Variants in ARSG observed in about 807,000 individuals in gnomAD.
ARSG encodes the protein ASG.
ARSG carries 37 observed loss-of-function variants against 50.5 expected under a neutral mutation model. The ratio of observed to expected loss-of-function variants is 0.73; its 90% CI spans 0.56 to 0.96. The LOEUF (loss-of-function observed/expected upper bound fraction) is 0.96, where lower values mean the gene tolerates loss of function less well. ARSG is among the 50% of genes least tolerant of loss of function. ARSG has a pLI of 0.00. For synonymous variants in ARSG, 225 were observed against 254.6 expected, an observed-to-expected ratio of 0.88 and a Z score of 1.11; for missense variants, 629 against 675.3, an observed-to-expected ratio of 0.93 and a Z score of 0.76.
chr17:68,377,368 C>T (rs2080202501), intron 8 of ARSG, among the ~76,000 whole-genome samples: 1 of 152,246 alleles, frequency 6.6e-6, no homozygotes, highest in African/African-American at 2.4e-5. Context: ...TCCTATCTTG[C>T]TCTTTGAACC....
chr17:68,306,392 CA>C (rs375666130), intron 1 of ARSG, among the ~76,000 whole-genome samples: 6 of 144,382 alleles, frequency 4.2e-5, no homozygotes, highest in South Asian at 2.2e-4. Context: ...GACTCAGTCT[CA>C]AAAAAAAAAG....
intron 8 of ARSG, among the ~76,000 whole-genome samples, chr17:68,377,628 A>G (rs1395361221): frequency 6.6e-6 from 1 of 152,090 alleles, no homozygotes; most frequent in Non-Finnish European, 1.5e-5. Flanking sequence ...CATTAGACTA[A>G]ATTTCTTCAT....
intron 4 of ARSG, among the ~76,000 whole-genome samples, chr17:68,347,903 C>T (rs184290710): frequency 2.6e-4 from 39 of 152,330 alleles, no homozygotes; most frequent in African/African-American, 7.2e-4. Context: ...GACTTCTCCC[C>T]TCCCCTGCCC....
Position 68,383,176 on chromosome 17 carries a change from T to C in ARSG, c.983-1888T>C, listed in dbSNP as rs1599996088. Among the ~76,000 whole-genome samples the C allele has an allele frequency of 2.0e-5, 3 of 152,120 alleles. No individual in the cohort carries two copies. The South Asian group carries it at 6.2e-4, about 32-fold the overall frequency. On this transcript the variant is annotated intron_variant, in intron 8 of 11. Transcript: ENST00000621439. ...ACCTACAAGAGAGCAACACAAAAGG[T>C]TGTGGCAAACGAGAAGAATCCCTAA... is the stretch of plus-strand genomic sequence containing the variant.
At chr17:68,294,374 C>T (rs1311428294) in intron 1 of ARSG, among the ~76,000 whole-genome samples, 4 of 152,202 alleles carry the variant, frequency 2.6e-5, no homozygotes, top group Admixed American at 6.5e-5. Context: ...CGTTTATAGT[C>T]CTTCAAGTCT....
At chr17:68,387,855 A>C (rs2080801326) in intron 9 of ARSG, among the ~76,000 whole-genome samples, 2 of 152,182 alleles carry the variant, frequency 1.3e-5, no homozygotes, top group Non-Finnish European at 2.9e-5. Context: ...GGTCAAGTTG[A>C]TATAAATATG....
At chr17:68,356,475 T>G (rs539399158) in intron 5 of ARSG, among the ~76,000 whole-genome samples, 192 bp from the exon 6 acceptor site, 1 of 152,332 alleles carries the variant, frequency 6.6e-6, no homozygotes, top group South Asian at 2.1e-4. Context: ...GGAACATAAA[T>G]ATCTATTCAA....
In ARSG at chr17:68,391,845, A is replaced by G. The variant is rs186535683; in HGVS notation, c.1092-3228A>G. On this transcript the variant is annotated intron_variant, in intron 9 of 11. Transcript: ENST00000621439. The stretch of plus-strand genomic sequence containing the variant: ...GGTCCTGGAGCTTGTTTCTTAAGAG[A>G]TAAGCCACCAGCTCCATGGACTGTG... Among the ~76,000 whole-genome samples the G allele has an allele frequency of 3.5e-3, 527 of 152,282 alleles. 5 individuals are homozygous for G. The highest frequency in any genetic ancestry group is 6.2e-3 in the Non-Finnish European group (422 of 68,022).
At position 68,412,222 on chromosome 17, in the gene ARSG, C is replaced by T. The variant is rs1325244838; in HGVS notation, c.1304-7967C>T. Among the ~76,000 whole-genome samples the T allele has an allele frequency of 3.0e-3, 458 of 152,010 alleles. 2 individuals are homozygous for T. Among genetic ancestry groups the T allele is most frequent in the African/African-American group, 0.011 (437 of 41,386 alleles). On this transcript the variant is annotated intron_variant, in intron 11 of 11. Transcript: ENST00000621439. ...TGCAGTTTCTTCCTAGTCTCGATGG[C>T]CTTTACATTTTGGCATGATTTTGCA... is the stretch of plus-strand genomic sequence containing the variant.
intron 6 of ARSG, among the ~76,000 whole-genome samples, chr17:68,357,264 C>G (rs2079074347): frequency 6.6e-6 from 1 of 152,174 alleles, no homozygotes; most frequent in Non-Finnish European, 1.5e-5. Flanking sequence ...ATCTGGAGGC[C>G]AGATGTCTGA....
chr17:68,320,878 C>T lies in ARSG; in HGVS notation c.218+13167C>T, dbSNP rs148663540. ...GGCTTATAGATGCCTATGTGTATGT[C>T]GCATTGTCGTATACCTTGTGTGTGT... On this transcript the variant is annotated intron_variant, in intron 2 of 11. Coordinates refer to ENST00000621439, the MANE Select transcript of ARSG (RefSeq NM_001267727.2). Among the ~76,000 whole-genome samples the T allele has an allele frequency of 5.0e-3, 766 of 152,134 alleles. 9 individuals carry two copies. Among genetic ancestry groups the T allele is most frequent in the African/African-American group, 0.016 (669 of 41,476 alleles).
At chr17:68,437,596 C>G in the ARSG span, among the ~76,000 whole-genome samples, 1 of 151,518 alleles carries the variant, frequency 6.6e-6, no homozygotes, top group East Asian at 1.9e-4. Flanking sequence ...AGCCAAATGC[C>G]CTGCCTTGAT....
intron 1 of ARSG, among the ~76,000 whole-genome samples, chr17:68,292,837 A>C (rs2076064626): frequency 6.6e-6 from 1 of 152,168 alleles, no homozygotes; most frequent in African/African-American, 2.4e-5. Flanking sequence ...CCAGTAGTGT[A>C]CAGCCAAGGG....
At chr17:68,303,670 G>C (rs1160007301) in intron 1 of ARSG, among the ~76,000 whole-genome samples, 1 of 151,874 alleles carries the variant, frequency 6.6e-6, no homozygotes, top group African/African-American at 2.4e-5. Flanking sequence ...GGCTGGTCTT[G>C]AACTCCTGAC....
chr17:68,426,242 T>TGGC (rs1555798451), downstream of ARSG: 2,059 of 681,892 alleles, frequency 3.0e-3, 51 homozygotes, highest in Admixed American at 6.8e-3. Context: ...ACCTGGCGGG[T>TGGC]GGGGAGCGGG....
At chr17:68,358,144 A>T (rs1291241875) in intron 6 of ARSG, among the ~76,000 whole-genome samples, 1 of 152,150 alleles carries the variant, frequency 6.6e-6, no homozygotes, top group East Asian at 1.9e-4. Context: ...CATAGGTTGC[A>T]GTGAGCCAAG....
At chr17:68,325,447 C>A (rs941503565) in intron 2 of ARSG, among the ~76,000 whole-genome samples, 1 of 152,020 alleles carries the variant, frequency 6.6e-6, no homozygotes, top group Non-Finnish European at 1.5e-5. Flanking sequence ...AAATAAAGTG[C>A]ACAATAAATG....
In ARSG at chr17:68,368,850, G is replaced by A. The variant is rs1399705129; in HGVS notation, c.901+106G>A. 1.5e-5 allele frequency: 20 copies of A among 1,295,824 alleles called. No individual in the cohort carries two copies. In the South Asian group the frequency reaches 2.4e-4, roughly 15 times the overall value. 80.3% of individuals were successfully genotyped at this position (1,295,824 alleles called of 1,614,324 possible). Reference sequence around the variant, plus strand: ...CCCGTGATCCCCTTTCATAGGTCAGGAGGCTTGCTTTGAACTTGTGGCCCA... The same window carrying A: ...CCCGTGATCCCCTTTCATAGGTCAGAAGGCTTGCTTTGAACTTGTGGCCCA... On this transcript the variant is annotated intron_variant, in intron 7 of 11. Transcript: ENST00000621439.
At chr17:68,310,042 C>T (rs1016817454) in intron 2 of ARSG, among the ~76,000 whole-genome samples, 16 of 150,906 alleles carry the variant, frequency 1.1e-4, no homozygotes, top group African/African-American at 3.4e-4. Flanking sequence ...GGCACGATCT[C>T]AGCTCACTGC....
Sources: gnomAD v4.1 joint callset for allele counts (sites outside exome capture counted in the v4.1 genomes callset) on GRCh38, gnomAD v4.1.1 for gene constraint, MANE v1.5 for transcripts, NCBI Gene and HGNC (gene_info 2026-07-23, HGNC 2026-07-21) for gene names.